JMY: variants seen among roughly 807,000 people sequenced by gnomAD.
JMY encodes the protein junction-mediating and -regulatory protein.
Under a neutral mutation model 103.3 loss-of-function variants are expected in JMY, and 46 were observed. That is an observed-to-expected ratio of 0.45 (90% confidence interval 0.35 to 0.57). The LOEUF (loss-of-function observed/expected upper bound fraction) is 0.57, where lower values mean the gene tolerates loss of function less well. JMY is among the 20% of genes least tolerant of loss of function. JMY has a pLI of 0.00. For missense variants in JMY, 1,238 were observed against 1,255.2 expected (o/e 0.99, Z 0.21); for synonymous variants, 526 against 489.3 (o/e 1.07, Z -0.99).
intron 2 of JMY, chr5:79,284,702 C>G: frequency 6.3e-7 from 1 of 1,592,472 alleles, no homozygotes; most frequent in Non-Finnish European, 8.5e-7. Flanking sequence ...TTCTGCAAAT[C>G]AGCAAGACTC....
intron 1 of JMY, among the ~76,000 whole-genome samples, chr5:79,270,708 A>G (rs1745757585): frequency 6.8e-6 from 1 of 146,936 alleles, no homozygotes; most frequent in Non-Finnish European, 1.5e-5. Flanking sequence ...TATATTATAT[A>G]TTTATTATTA....
chr5:79,283,323 A>G (rs778067097), intron 2 of JMY, among the ~76,000 whole-genome samples: 5 of 152,180 alleles, frequency 3.3e-5, no homozygotes, highest in Non-Finnish European at 5.9e-5. Context: ...AGAATTTGTT[A>G]ACTAGGTATA....
intron 7 of JMY, among the ~76,000 whole-genome samples, chr5:79,310,586 G>A (rs1747016681): frequency 6.6e-6 from 1 of 152,044 alleles, no homozygotes; most frequent in Non-Finnish European, 1.5e-5. Context: ...CTTATGTGGT[G>A]GATTGTTTAA....
At chr5:79,260,452 C>T (rs1414396407) in intron 1 of JMY, among the ~76,000 whole-genome samples, 1 of 152,236 alleles carries the variant, frequency 6.6e-6, no homozygotes. Flanking sequence ...TTGATCTTGC[C>T]TCACTGCAGC....
intron 1 of JMY, among the ~76,000 whole-genome samples, chr5:79,247,695 C>T (rs1287496488): frequency 3.3e-5 from 5 of 151,632 alleles, no homozygotes; most frequent in Non-Finnish European, 5.9e-5. Context: ...CTCTGTTGCC[C>T]AGGATGGAGT....
chr5:79,268,327 A>C (rs1455515363), intron 1 of JMY, among the ~76,000 whole-genome samples: 1 of 152,114 alleles, frequency 6.6e-6, no homozygotes, highest in East Asian at 1.9e-4. Flanking sequence ...CATTTCCATC[A>C]ACAGTGAATG....
chr5:79,287,966 A>G (rs1364140196), intron 2 of JMY, among the ~76,000 whole-genome samples: 8 of 152,206 alleles, frequency 5.3e-5, no homozygotes, highest in Non-Finnish European at 1.0e-4. Context: ...ATACTTGTAA[A>G]TACTAATTGT....
chr5:79,272,424 C>CT (rs1056053934), intron 1 of JMY, among the ~76,000 whole-genome samples: 7 of 151,364 alleles, frequency 4.6e-5, no homozygotes, highest in Non-Finnish European at 8.8e-5. Flanking sequence ...TTTTGGTTTC[C>CT]TTTTTTTTCT....
chr5:79,301,640 C>G (rs1213826897), intron 6 of JMY, among the ~76,000 whole-genome samples: 1 of 152,188 alleles, frequency 6.6e-6, no homozygotes, highest in African/African-American at 2.4e-5. Flanking sequence ...ATCACGTTGT[C>G]CATCAACAGA....
chr5:79,259,760 C>T (rs529139319), intron 1 of JMY, among the ~76,000 whole-genome samples: 3 of 152,336 alleles, frequency 2.0e-5, no homozygotes, highest in African/African-American at 2.4e-5. Flanking sequence ...GTGGAACAGG[C>T]GCTGATATTG....
In JMY at chr5:79,314,143, G is replaced by A. The variant is rs192729422; in HGVS notation, c.2065-114G>A. On this transcript the variant is annotated intron_variant, in intron 8 of 10. Coordinates refer to ENST00000396137, the MANE Select transcript of JMY (RefSeq NM_152405.5). ...CAAAGTGCTGGGATTACAGGCGTGA[G>A]CCACCACACCCGGCCACATAACATC... The A allele has an allele frequency of 2.4e-3, 3,569 of 1,479,982 alleles. 4 individuals are homozygous for A. The highest frequency in any genetic ancestry group is 2.9e-3 in the Non-Finnish European group (3,245 of 1,122,292). 91.7% of individuals were successfully genotyped at this position (1,479,982 alleles called of 1,614,324 possible).
rs111457904 is a variant in JMY at position 79,270,401 on chromosome 5, T to C, written c.1033-7509T>C. On this transcript the variant is annotated intron_variant, in intron 1 of 10. Transcript: ENST00000396137. ...TAAATATTTACATAAAATATATATTTACATAAATATTTAAAATATATATTT... is the reference window on the plus strand; with the variant it reads ...TAAATATTTACATAAAATATATATTCACATAAATATTTAAAATATATATTT... Among the ~76,000 whole-genome samples, 6 of 116,486 alleles carry C rather than the reference T, an allele frequency of 5.2e-5. 1 individual carries two copies. Among genetic ancestry groups the C allele is most frequent in the Admixed American group, 1.9e-4 (2 of 10,294 alleles). The allele number at this position is 116,486 out of a possible 152,430, so 76.4% of individuals were successfully genotyped here. A position where few individuals can be genotyped will look rare whatever the true frequency, so the allele number is the denominator to read the frequency against.
In JMY at chr5:79,325,351, G is replaced by T. The variant is rs1747601122; in HGVS notation, c.*3749G>T. 3 of 152,042 alleles carry T rather than the reference G, an allele frequency of 2.0e-5. 1 individual carries two copies. In the South Asian group the frequency reaches 6.2e-4, roughly 32 times the overall value. 9.4% of individuals were successfully genotyped at this position (152,042 alleles called of 1,614,324 possible). ...AGTTGAAATTTCATACGCTTTACCA[G>T]GTTACTTGTAAAAAATGAACAGCTG... is the stretch of plus-strand genomic sequence containing the variant. On this transcript the variant is annotated 3_prime_UTR_variant, in exon 11 of 11. Coordinates refer to ENST00000396137, the MANE Select transcript of JMY (RefSeq NM_152405.5).
chr5:79,322,475 A>G lies in JMY; in HGVS notation c.*873A>G, dbSNP rs538145945. On this transcript the variant is annotated 3_prime_UTR_variant, in exon 11 of 11. Transcript: ENST00000396137. The stretch of plus-strand genomic sequence containing the variant: ...ATTGAGAATCAAAAATCAAGATTCA[A>G]TCATAGGGATGCAGATCTTAACTCT... 2.0e-4 allele frequency: 31 copies of G among 152,334 alleles called. No homozygotes were observed. Among genetic ancestry groups the G allele is most frequent in the Middle Eastern group, 3.4e-3 (1 of 294 alleles). The allele number at this position is 152,334 out of a possible 1,614,324, so 9.4% of individuals were successfully genotyped here. A position where few individuals can be genotyped will look rare whatever the true frequency, so the allele number is the denominator to read the frequency against.
rs1210125235 is a variant in JMY, at chr5:79,300,309, C to G, written c.1684C>G (p.Leu562Val). The G allele has an allele frequency of 6.4e-7, 1 of 1,563,276 alleles. No homozygotes were observed. The highest frequency in any genetic ancestry group is 1.2e-5 in the South Asian group (1 of 83,072). The part of the protein sequence containing the change: ...LTAQLESIKR[L>V]ISEKRDEVVY... ...AGCGCAACTAGAAAGCATCAAAAGACTTATATCAGGTATGGCGTGCATTTA... is the reference window on the plus strand; with the variant it reads ...AGCGCAACTAGAAAGCATCAAAAGAGTTATATCAGGTATGGCGTGCATTTA... Residue 562 changes from leucine (L) to valine (V), a missense_variant, in exon 5 of 11, where the codon CTT (leucine) becomes GTT (valine). Transcript: ENST00000396137.
intron 2 of JMY, among the ~76,000 whole-genome samples, chr5:79,289,542 T>C (rs1306345203): frequency 6.6e-6 from 1 of 152,236 alleles, no homozygotes; most frequent in Non-Finnish European, 1.5e-5. Context: ...TTTTGAAATA[T>C]ACTTTTAATA....
chr5:79,290,244 T>C lies in JMY; in HGVS notation c.1330T>C (p.Phe444Leu). The C allele has an allele frequency of 6.6e-7, 1 of 1,517,510 alleles. No homozygotes were observed. The highest frequency in any genetic ancestry group is 1.4e-5 in the African/African-American group (1 of 72,402). The allele number at this position is 1,517,510 out of a possible 1,614,324, so 94.0% of individuals were successfully genotyped here. ...LSIQDLTVKY[F>L]EITAKAQKAV... Reference sequence around the variant, plus strand: ...TATTCAAGATCTTACTGTCAAGTACTTTGAAATAACAGCTAAAGCTCAAAA... The same window carrying C: ...TATTCAAGATCTTACTGTCAAGTACCTTGAAATAACAGCTAAAGCTCAAAA... Residue 444 changes from phenylalanine to leucine, a missense_variant, in exon 3 of 11, where the codon TTT (phenylalanine) becomes CTT (leucine). Physicochemically the swap from Phe to Leu is conservative, Grantham distance 22. Transcript: ENST00000396137.
At chr5:79,298,410 G>A (rs1297437157) in intron 4 of JMY, among the ~76,000 whole-genome samples, 3 of 152,190 alleles carry the variant, frequency 2.0e-5, no homozygotes, top group African/African-American at 7.2e-5. Flanking sequence ...CTGGGCAAGA[G>A]CCCCAAGAGA....
intron 2 of JMY, among the ~76,000 whole-genome samples, chr5:79,287,040 C>G (rs1746290119): frequency 6.6e-6 from 1 of 152,070 alleles, no homozygotes; most frequent in Admixed American, 6.6e-5. Flanking sequence ...GAGGGCATTG[C>G]TTGCCTGGTG....
Sources: allele counts gnomAD v4.1 joint callset (sites outside exome capture counted in the v4.1 genomes callset), GRCh38; gene constraint gnomAD v4.1.1; transcripts MANE v1.5; gene names NCBI Gene and HGNC (gene_info 2026-07-23, HGNC 2026-07-21).